ILK: variants seen among roughly 807,000 people sequenced by gnomAD.
The protein encoded by ILK is scaffold protein ILK.
A neutral mutation model predicts 57.8 loss-of-function variants in ILK; 37 were observed. The ratio of observed to expected loss-of-function variants is 0.64; its 90% CI spans 0.49 to 0.84. The LOEUF is 0.84. ILK is among the 40% of genes least tolerant of loss of function. ILK has a pLI of 0.00. For missense variants in ILK, 528 were observed against 595.7 expected (o/e 0.89, Z 1.18); for synonymous variants, 231 against 202.2 (o/e 1.14, Z -1.21).
chr11:6,608,653 A>T lies in ILK; in HGVS notation c.352-41A>T. 6.6e-7 allele frequency: 1 copy of T among 1,514,808 alleles called. No individual in the cohort carries two copies. The highest frequency in any genetic ancestry group is 9.2e-7 in the Non-Finnish European group (1 of 1,089,150). 93.8% of individuals were successfully genotyped at this position (1,514,808 alleles called of 1,614,324 possible). The stretch of plus-strand genomic sequence containing the variant: ...ATGGTTGGTTCAGTGACTGCCAGCG[A>T]GGTAGCAGTGGCTCTCATCATAATG... On this transcript the variant is annotated intron_variant, in intron 4 of 12. Coordinates refer to ENST00000299421, the MANE Select transcript of ILK (RefSeq NM_004517.4). The surrounding 1 kb of genome is among the most constrained non-coding windows in gnomAD (Gnocchi z 4.9).
rs1322839473 is a variant in ILK at position 6,608,582 on chromosome 11, A to C, written c.351+93A>C. The C allele has an allele frequency of 4.5e-6, 6 of 1,330,724 alleles. No homozygotes were observed. The highest frequency in any genetic ancestry group is 6.5e-6 in the Non-Finnish European group (6 of 921,766). 82.4% of individuals were successfully genotyped at this position (1,330,724 alleles called of 1,614,324 possible). ...GGAACCCTCAACCCATTCTGTCAGT[A>C]CTACTGTGTGACACTTACAGGATTA... On this transcript the variant is annotated intron_variant, in intron 4 of 12. Coordinates refer to ENST00000299421, the MANE Select transcript of ILK (RefSeq NM_004517.4). This position sits in a 1 kb window ranked among gnomAD's most constrained non-coding sequence, Gnocchi z 4.9.
chr11:6,607,076 T>C (rs1854989063), intron 2 of ILK: 2 of 152,480 alleles, frequency 1.3e-5, no homozygotes, highest in East Asian at 3.9e-4. Context: ...GCTCCAGGCC[T>C]TGCCTAGAGT....
Position 6,609,374 on chromosome 11 carries a change from A to G in ILK, c.694A>G (p.Ser232Gly). ...LKVRDWSTRK[S>G]RDFNEECPRL... ...GGTTCGAGACTGGAGTACAAGGAAG[A>G]GCAGGGACTTCAATGAAGAGTGTCC... The change falls in exon 8 of 13, where the codon AGC (serine) becomes GGC (glycine). Residue 232 changes from serine (S) to glycine (G), a missense_variant. Physicochemically the swap from Ser to Gly is moderately conservative, Grantham distance 56. Coordinates refer to ENST00000299421, the MANE Select transcript of ILK (RefSeq NM_004517.4). 1 of 1,614,094 alleles carries G rather than the reference A, an allele frequency of 6.2e-7. No individual in the cohort carries two copies. The highest frequency in any genetic ancestry group is 8.5e-7 in the Non-Finnish European group (1 of 1,180,024).
At chr11:6,607,948 A>G in intron 2 of ILK, 98 bp from the exon 3 acceptor site, 3 of 1,268,662 alleles carry the variant, frequency 2.4e-6, no homozygotes, top group Non-Finnish European at 2.3e-6. Context: ...CTAGAGAGGT[A>G]AGCCTTCCCA....
intron 2 of ILK, among the ~76,000 whole-genome samples, chr11:6,605,367 C>G (rs4758440): frequency 0.32 from 47,294 of 147,902 alleles, 7,786 homozygotes; most frequent in African/African-American, 0.42. Context: ...GGAGCAACCG[C>G]AAGTTGAAAA....
chr11:6,605,886 G>A (rs1854851134), intron 2 of ILK, among the ~76,000 whole-genome samples: 1 of 152,228 alleles, frequency 6.6e-6, no homozygotes, highest in African/African-American at 2.4e-5. Flanking sequence ...GTGGCAGATT[G>A]AAAAGTAGGC....
intron 12 of ILK, 77 bp from the exon 13 acceptor site, chr11:6,610,385 C>A (rs935574971): frequency 3.1e-6 from 5 of 1,612,952 alleles, no homozygotes; most frequent in Non-Finnish European, 3.4e-6. Context: ...ATACAGTAAT[C>A]CTGTCCCAAG....
intron 2 of ILK, 122 bp from the exon 3 acceptor site, chr11:6,607,924 T>G (rs1855090341): frequency 4.6e-5 from 47 of 1,026,504 alleles, no homozygotes; most frequent in Non-Finnish European, 6.3e-5. Flanking sequence ...CTGGCATGAA[T>G]GAGAATCAAA....
chr11:6,604,520 TTTGAGC>T (rs1854633042), intron 2 of ILK, 160 bp downstream of exon 2: 1 of 709,844 alleles, frequency 1.4e-6, no homozygotes, highest in Non-Finnish European at 2.5e-6. Context: ...GAGGACGCAG[TTTGAGC>T]TGAATCTTGA....
chr11:6,610,346 G>A, intron 12 of ILK, 68 bp downstream of exon 12: 3 of 1,613,188 alleles, frequency 1.9e-6, no homozygotes, highest in Non-Finnish European at 2.5e-6. Context: ...ACTGTAGTGG[G>A]CCTTGGCTCC....
In ILK at chr11:6,610,738, T is replaced by C; in HGVS notation, c.*127T>C. ...TCATGGTACTACCCCAGCCATGGGG[T>C]CCATCCCCTTCCCCCATCCCTACCA... On this transcript the variant is annotated 3_prime_UTR_variant, in exon 13 of 13. Transcript: ENST00000299421. The C allele has an allele frequency of 7.4e-7, 1 of 1,347,726 alleles. No homozygotes were observed. The allele number at this position is 1,347,726 out of a possible 1,614,324, so 83.5% of individuals were successfully genotyped here.
At position 6,608,472 on chromosome 11, in the gene ILK, C is replaced by G. The variant is rs1046377574; in HGVS notation, c.334C>G (p.Gln112Glu). ...CCTGCACTATGCCTGTTTTTGGGGC[C>G]AAGATCAAGTGGCAGAGGTGAGTAC... ...VPLHYACFWG[Q>E]DQVAEDLVAN... The change falls in exon 4 of 13, where the codon CAA becomes GAA. Residue 112 changes from glutamine (Q) to glutamate (E), a missense_variant. Gln to Glu is a conservative substitution (Grantham distance 29). Transcript: ENST00000299421. The surrounding 1 kb of genome is among the most constrained non-coding windows in gnomAD (Gnocchi z 4.9). 1 of 1,613,710 alleles carries G rather than the reference C, an allele frequency of 6.2e-7. No individual in the cohort carries two copies. Among genetic ancestry groups the G allele is most frequent in the Non-Finnish European group, 8.5e-7 (1 of 1,179,590 alleles).
rs747788514 is a variant in ILK, at chr11:6,609,577, C to T, written c.794C>T (p.Pro265Leu). The change falls in exon 9 of 13, where the codon CCT becomes CTT. Residue 265 changes from proline to leucine, a missense_variant. Pro to Leu is a moderately conservative substitution (Grantham distance 98). Coordinates refer to ENST00000299421, the MANE Select transcript of ILK (RefSeq NM_004517.4). ...GACQSPPAPH[P>L]TLITHWMPYG... ...TGCCAGTCTCCACCTGCTCCTCATCCTACTCTCATCACACACTGGATGCCG... is the reference window on the plus strand; with the variant it reads ...TGCCAGTCTCCACCTGCTCCTCATCTTACTCTCATCACACACTGGATGCCG... 6.2e-7 allele frequency: 1 copy of T among 1,614,196 alleles called. No individual in the cohort carries two copies. Among genetic ancestry groups the T allele is most frequent in the Non-Finnish European group, 8.5e-7 (1 of 1,180,004 alleles).
Position 6,604,330 on chromosome 11 carries a change from T to G in ILK, c.59T>G (p.Leu20Arg). The G allele has an allele frequency of 6.2e-7, 1 of 1,612,448 alleles. No homozygotes were observed. The highest frequency in any genetic ancestry group is 8.5e-7 in the Non-Finnish European group (1 of 1,179,418). ...EGNAVAVRLW[L>R]DNTENDLNQG... Reference sequence around the variant, plus strand: ...AACGCAGTCGCCGTTCGCCTGTGGCTGGACAACACGGAGAACGACCTCAAC... The same window carrying G: ...AACGCAGTCGCCGTTCGCCTGTGGCGGGACAACACGGAGAACGACCTCAAC... The change falls in exon 2 of 13, where the codon CTG becomes CGG. Residue 20 changes from leucine to arginine, a missense_variant. Physicochemically the swap from Leu to Arg is moderately radical, Grantham distance 102. Transcript: ENST00000299421.
In ILK at chr11:6,609,096, T is replaced by C; in HGVS notation, c.558T>C (p.Ser186=). The change falls in exon 7 of 13, where the codon TCT becomes TCC. Residue 186 remains serine (S), a synonymous_variant. Coordinates refer to ENST00000299421, the MANE Select transcript of ILK (RefSeq NM_004517.4). ...RPRNGTLNKH[S]GIDFKQLNFL... ...GAAATGGAACCCTGAACAAACACTC[T>C]GGCATTGACTTCAAACAGCTTAACT... The C allele has an allele frequency of 1.9e-6, 3 of 1,614,198 alleles. No individual in the cohort carries two copies. Among genetic ancestry groups the C allele is most frequent in the Non-Finnish European group, 2.5e-6 (3 of 1,180,012 alleles).
At chr11:6,603,931 T>C in intron 1 of ILK, 109 bp downstream of exon 1, 2 of 482,062 alleles carry the variant, frequency 4.1e-6, no homozygotes, top group Non-Finnish European at 3.8e-6. Context: ...TCCCAGAGTA[T>C]ACGGAGCCTG....
At position 6,610,510 on chromosome 11, in the gene ILK, CAT is replaced by C. The variant is rs751224777; in HGVS notation, c.1259_1260del (p.His420ArgfsTer3). 1.1e-5 allele frequency: 18 copies of C among 1,614,094 alleles called. No homozygotes were observed. Among genetic ancestry groups the C allele is most frequent in the Admixed American group, 3.3e-5 (2 of 60,006 alleles). On this transcript the variant is annotated frameshift_variant, in exon 13 of 13. Coordinates refer to ENST00000299421, the MANE Select transcript of ILK (RefSeq NM_004517.4). LOFTEE classifies it high-confidence loss of function. ...TACCATCCCACCAGGTATTTCCCCT[CAT>C]GTGTGTAAGCTCATGAAGATCTGCA... Reference protein sequence around the residue: ...RPTIPPGISPHVCKLMKICMN... With the variant: ...RPTIPPGISPXVCKLMKICMN...
chr11:6,604,175 T>G lies in ILK; in HGVS notation c.-92-5T>G, dbSNP rs1030036715. The G allele has an allele frequency of 4.6e-6, 5 of 1,097,142 alleles. No individual in the cohort carries two copies. The African/African-American group carries it at 7.8e-5, about 17-fold the overall frequency. 68.0% of individuals were successfully genotyped at this position (1,097,142 alleles called of 1,614,324 possible). A position where few individuals can be genotyped will look rare whatever the true frequency, so the allele number is the denominator to read the frequency against. ...ACCCCCAACACAAACACTTCTCTCC[T>G]GTAGAGGATAAAGCTTGGGGTTCAT... On this transcript the variant is annotated splice_polypyrimidine_tract_variant and splice_region_variant and intron_variant, in intron 1 of 12. Coordinates refer to ENST00000299421, the MANE Select transcript of ILK (RefSeq NM_004517.4).
At chr11:6,607,056 C>T (rs956130713) in intron 2 of ILK, 1 of 152,360 alleles carries the variant, frequency 6.6e-6, no homozygotes, top group Non-Finnish European at 1.5e-5. Context: ...GATGGCCAGA[C>T]CCCTGATCAG....
Sources: allele counts gnomAD v4.1 joint callset (sites outside exome capture counted in the v4.1 genomes callset), GRCh38; gene constraint gnomAD v4.1.1; non-coding constraint Gnocchi (gnomAD v3.1); transcripts MANE v1.5; gene names NCBI Gene and HGNC (gene_info 2026-07-23, HGNC 2026-07-21).